The following KLHL12 variants were observed in gnomAD, a reference collection of about 807,000 sequenced individuals.
The protein encoded by KLHL12 is kelch like family member 12.
In KLHL12, 17 loss-of-function variants were observed where a neutral mutation model predicts 60.8. The ratio of observed to expected loss-of-function variants is 0.28; its 90% CI spans 0.19 to 0.42. The LOEUF (loss-of-function observed/expected upper bound fraction) is 0.42. Among genes scored for constraint, KLHL12 ranks in the 10% least tolerant of loss-of-function variants. The pLI is 1.00. For missense variants in KLHL12, 468 were observed against 722.3 expected (o/e 0.65, Z 4.04); for synonymous variants, 220 against 250.9 (o/e 0.88, Z 1.16).
intron 2 of KLHL12, 124 bp from the exon 3 acceptor site, chr1:202,920,032 G>C: frequency 1.1e-6 from 1 of 901,342 alleles, no homozygotes; most frequent in Admixed American, 2.7e-5. Flanking sequence ...AAAAATTACA[G>C]GCCAGGCGTG....
Position 202,919,889 on chromosome 1 carries a change from G to A in KLHL12, c.215C>T (p.Pro72Leu), listed in dbSNP as rs12569087. ...FTSELSEKGK[P>L]YVDIQGLTAS... ...AGTCAAACCTTGGATGTCAACATAA[G>A]GTTTCCCCTTCTCTGAGAGCTGAAA... Residue 72 changes from proline (P) to leucine (L), a missense_variant, in exon 3 of 12, where the codon CCT becomes CTT. Physicochemically the swap from Pro to Leu is moderately conservative, Grantham distance 98. Around this residue, in one of 4 missense-constraint regions of KLHL12, gnomAD observed 339 missense variants for 525.0 expected, o/e 0.65. Coordinates refer to ENST00000367261, the MANE Select transcript of KLHL12 (RefSeq NM_021633.4). 1.9e-5 allele frequency: 31 copies of A among 1,613,290 alleles called. No homozygotes were observed. Among genetic ancestry groups the A allele is most frequent in the Non-Finnish European group, 2.6e-5 (31 of 1,179,770 alleles).
At chr1:202,907,551 T>G (rs907061784) in intron 6 of KLHL12, among the ~76,000 whole-genome samples, 2 of 146,910 alleles carry the variant, frequency 1.4e-5, no homozygotes, top group Non-Finnish European at 3.0e-5. Context: ...TGAGCCAAGA[T>G]TGCACCACTG....
intron 6 of KLHL12, 115 bp downstream of exon 6, chr1:202,908,894 GA>G: frequency 1.6e-6 from 1 of 644,844 alleles, no homozygotes; most frequent in Non-Finnish European, 2.8e-6. Context: ...GATGATAGAA[GA>G]AAAGGTCTGA....
At chr1:202,928,534 A>C (rs1489198710), upstream of KLHL12, 1 of 1,304,182 alleles carries the variant, frequency 7.7e-7, no homozygotes, top group Non-Finnish European at 1.0e-6. Flanking sequence ...GAGGCCTCAA[A>C]TTTATTCACG....
intron 6 of KLHL12, among the ~76,000 whole-genome samples, chr1:202,901,387 G>C (rs1329426581): frequency 6.6e-6 from 1 of 151,640 alleles, no homozygotes; most frequent in Non-Finnish European, 1.5e-5. Flanking sequence ...TACCTCCCAG[G>C]CTCAAGCAAT....
intron 6 of KLHL12, among the ~76,000 whole-genome samples, chr1:202,904,001 T>C (rs1237497464): frequency 6.6e-6 from 1 of 151,894 alleles, no homozygotes; most frequent in Non-Finnish European, 1.5e-5. Flanking sequence ...TGTATCTATC[T>C]ATCTATCTAT....
At position 202,901,584 on chromosome 1, in the gene KLHL12, GAGCCACTGTACC is replaced by G. The variant is rs553895398; in HGVS notation, c.833-4636_833-4625del. ...CCCAAAGTGCTGGGATTACAGACAT[GAGCCACTGTACC>G]AGCCACTCAGGGGTTTTATGGCTCT... On this transcript the variant is annotated intron_variant, in intron 6 of 11. Transcript: ENST00000367261. Among the ~76,000 whole-genome samples, 7 of 152,034 alleles carry G rather than the reference GAGCCACTGTACC, an allele frequency of 4.6e-5. No homozygotes were observed. The South Asian group carries it at 1.2e-3, about 27-fold the overall frequency.
At chr1:202,921,312 C>T (rs2102456594) in intron 2 of KLHL12, among the ~76,000 whole-genome samples, 1 of 152,090 alleles carries the variant, frequency 6.6e-6, no homozygotes, top group Non-Finnish European at 1.5e-5. Flanking sequence ...GTAGCTGGGA[C>T]TACAGGCACA....
chr1:202,901,362 C>G (rs1392195656), intron 6 of KLHL12, among the ~76,000 whole-genome samples: 2 of 151,880 alleles, frequency 1.3e-5, no homozygotes, highest in Non-Finnish European at 2.9e-5. Context: ...ACCTCCCAGG[C>G]TCAAGCAATC....
intron 4 of KLHL12, 50 bp from the exon 5 acceptor site, chr1:202,911,253 A>C: frequency 1.9e-4 from 306 of 1,591,450 alleles, no homozygotes; most frequent in Middle Eastern, 3.3e-4. Context: ...CAATTAGCTC[A>C]CCATCTCAAA....
rs956143641 is a variant in KLHL12 at position 202,927,198 on chromosome 1, C to T, written c.-155G>A. The T allele has an allele frequency of 5.1e-6, 5 of 985,122 alleles. 1 individual carries two copies. The highest frequency in any genetic ancestry group is 3.5e-5 in the African/African-American group (2 of 57,274). The allele number at this position is 985,122 out of a possible 1,614,324, so 61.0% of individuals were successfully genotyped here. A position where few individuals can be genotyped will look rare whatever the true frequency, so the allele number is the denominator to read the frequency against. Reference sequence around the variant, plus strand: ...GGGAGGAGCCGAAGCGCCGCCCAGACCCGGAGGCTCTGGAGGCTCTGGAGC... The same window carrying T: ...GGGAGGAGCCGAAGCGCCGCCCAGATCCGGAGGCTCTGGAGGCTCTGGAGC... On this transcript the variant is annotated 5_prime_UTR_variant, in exon 1 of 12. Coordinates refer to ENST00000367261, the MANE Select transcript of KLHL12 (RefSeq NM_021633.4).
intron 4 of KLHL12, among the ~76,000 whole-genome samples, chr1:202,914,577 A>C (rs1455953391): frequency 6.6e-6 from 1 of 152,162 alleles, no homozygotes. Flanking sequence ...TTTTAAGACT[A>C]ATCAAATGGG....
rs115289278 is a variant in KLHL12 at position 202,920,771 on chromosome 1, G to A, written c.196-863C>T. ...TCTATACGCCAGGAATAAGTAATAG[G>A]TAACACCTTCCTGGAATAGTAATTT... On this transcript the variant is annotated intron_variant, in intron 2 of 11. Transcript: ENST00000367261. 8.3e-3 allele frequency among the ~76,000 whole-genome samples: 1,262 copies of A among 152,232 alleles called. 18 individuals carry two copies. The highest frequency in any genetic ancestry group is 0.029 in the African/African-American group (1,204 of 41,530).
At chr1:202,919,324 T>C (rs1557999241) in intron 3 of KLHL12, among the ~76,000 whole-genome samples, 2 of 152,186 alleles carry the variant, frequency 1.3e-5, no homozygotes, top group Non-Finnish European at 2.9e-5. Context: ...GAAAATATCA[T>C]ACTTTAATAT....
At chr1:202,899,289 G>A (rs925685657) in intron 6 of KLHL12, among the ~76,000 whole-genome samples, 6 of 152,148 alleles carry the variant, frequency 3.9e-5, no homozygotes, top group African/African-American at 1.4e-4. Flanking sequence ...TCCAGCCTGG[G>A]CAATAAGGCA....
intron 4 of KLHL12, among the ~76,000 whole-genome samples, chr1:202,913,533 C>G (rs1660428935): frequency 6.6e-6 from 1 of 152,120 alleles, no homozygotes; most frequent in African/African-American, 2.4e-5. Context: ...ATATGGTGAA[C>G]AAATCAGATA....
chr1:202,927,672 T>C (rs1653667986), upstream of KLHL12, among the ~76,000 whole-genome samples: 1 of 69,140 alleles, frequency 1.4e-5, no homozygotes, highest in Non-Finnish European at 2.8e-5. Context: ...AATGAGACCC[T>C]GTAAAAAAAA....
chr1:202,904,878 TTCTTTG>T (rs1660135297), intron 6 of KLHL12, among the ~76,000 whole-genome samples: 3 of 152,240 alleles, frequency 2.0e-5, no homozygotes, highest in African/African-American at 7.2e-5. Context: ...CCATTATATC[TTCTTTG>T]AGACAGTAAT....
At chr1:202,911,924 G>A (rs186858543) in intron 4 of KLHL12, 1 of 821,338 alleles carries the variant, frequency 1.2e-6, no homozygotes. Flanking sequence ...TTTGAGCAAT[G>A]GGGAATGCTC....
Sources: allele counts gnomAD v4.1 joint callset (sites outside exome capture counted in the v4.1 genomes callset), GRCh38; gene constraint gnomAD v4.1.1; regional missense constraint gnomAD v4.1.1; transcripts MANE v1.5; gene names NCBI Gene and HGNC (gene_info 2026-07-23, HGNC 2026-07-21).